Variants in CSTPP1 observed in about 807,000 individuals in gnomAD.
CSTPP1 encodes UPF0705 protein C11orf49.
chr11:46,979,782 G>A, the CSTPP1 span, among the ~76,000 whole-genome samples: 9 of 152,088 alleles, frequency 5.9e-5, no homozygotes, highest in Non-Finnish European at 1.2e-4. Context: ...GCATGGTGGC[G>A]GGCGCCTGTA....
At chr11:46,964,811 G>A in the CSTPP1 span, among the ~76,000 whole-genome samples, 1 of 152,174 alleles carries the variant, frequency 6.6e-6, no homozygotes, top group Non-Finnish European at 1.5e-5. Flanking sequence ...GAGACTACGA[G>A]TATTGCCAGG....
the CSTPP1 span, among the ~76,000 whole-genome samples, chr11:47,131,968 C>T: frequency 1.3e-5 from 2 of 150,490 alleles, no homozygotes; most frequent in Non-Finnish European, 2.9e-5. Flanking sequence ...CAGAGTGAGA[C>T]TCTGTTAAAA....
chr11:47,085,129 G>T, the CSTPP1 span, among the ~76,000 whole-genome samples: 1 of 152,000 alleles, frequency 6.6e-6, no homozygotes, highest in Non-Finnish European at 1.5e-5. Context: ...GCTTGAACCC[G>T]AGAGGCAGAG....
At chr11:47,029,860 G>A in the CSTPP1 span, among the ~76,000 whole-genome samples, 1 of 150,996 alleles carries the variant, frequency 6.6e-6, no homozygotes, top group Non-Finnish European at 1.5e-5. Context: ...CACTTTGGGA[G>A]GCCAAAACAG....
At chr11:46,985,878 G>A in the CSTPP1 span, among the ~76,000 whole-genome samples, 12 of 152,138 alleles carry the variant, frequency 7.9e-5, no homozygotes, top group Admixed American at 1.3e-4. Context: ...ACTAGGAAGT[G>A]GCAGAGCTGA....
At chr11:47,077,555 C>G in the CSTPP1 span, among the ~76,000 whole-genome samples, 3 of 152,084 alleles carry the variant, frequency 2.0e-5, no homozygotes, top group African/African-American at 7.2e-5. Context: ...TTTATGCAGC[C>G]TTTCTCATGA....
chr11:46,988,475 T>C, the CSTPP1 span, among the ~76,000 whole-genome samples: 1 of 152,036 alleles, frequency 6.6e-6, no homozygotes, highest in Non-Finnish European at 1.5e-5. Context: ...AAGACAAACA[T>C]TGGATGTTCT....
the CSTPP1 span, among the ~76,000 whole-genome samples, chr11:47,083,302 AAAT>A: frequency 1.3e-5 from 2 of 152,176 alleles, no homozygotes; most frequent in Admixed American, 1.3e-4. Flanking sequence ...TTTTGTGGCC[AAAT>A]AATATTCCAT....
chr11:47,079,819 C>T, the CSTPP1 span, among the ~76,000 whole-genome samples: 16 of 152,070 alleles, frequency 1.1e-4, no homozygotes, highest in Non-Finnish European at 1.8e-4. Flanking sequence ...TACGGCCGGG[C>T]GCGGTGGCTC....
the CSTPP1 span, among the ~76,000 whole-genome samples, chr11:46,993,019 G>A: frequency 2.6e-4 from 39 of 152,310 alleles, no homozygotes; most frequent in East Asian, 6.8e-3. Flanking sequence ...GTGTCTGTTG[G>A]CTGCATAAAT....
At chr11:47,083,912 ATTTGTC>A in the CSTPP1 span, among the ~76,000 whole-genome samples, 13 of 152,300 alleles carry the variant, frequency 8.5e-5, no homozygotes, top group Non-Finnish European at 1.0e-4. Context: ...TTCTAGGAAC[ATTTGTC>A]TCCAGGTCTT....
At chr11:47,148,113 G>A in the CSTPP1 span, among the ~76,000 whole-genome samples, 1 of 152,170 alleles carries the variant, frequency 6.6e-6, no homozygotes, top group Non-Finnish European at 1.5e-5. Flanking sequence ...GTCCAGAAGA[G>A]GAGCAACCCT....
chr11:47,008,155 C>T, the CSTPP1 span, among the ~76,000 whole-genome samples: 4 of 151,948 alleles, frequency 2.6e-5, no homozygotes, highest in South Asian at 2.1e-4. Context: ...TTAGTAGAGA[C>T]GGGGTTTCAC....
the CSTPP1 span, among the ~76,000 whole-genome samples, chr11:47,098,343 TA>T: frequency 1.5e-4 from 22 of 148,834 alleles, no homozygotes; most frequent in African/African-American, 3.2e-4. Flanking sequence ...AAATAAAAAA[TA>T]AAAAAAAATA....
the CSTPP1 span, among the ~76,000 whole-genome samples, chr11:47,013,023 T>C: frequency 1.4e-5 from 2 of 147,152 alleles, no homozygotes; most frequent in African/African-American, 4.9e-5. Flanking sequence ...ATATAAATAA[T>C]AACTATATAT....
the CSTPP1 span, among the ~76,000 whole-genome samples, chr11:46,998,938 C>T: frequency 6.6e-6 from 1 of 151,976 alleles, no homozygotes; most frequent in Non-Finnish European, 1.5e-5. Flanking sequence ...GAGGGGGCTT[C>T]ACCGTGTTAG....
At chr11:47,145,269 G>A in the CSTPP1 span, among the ~76,000 whole-genome samples, 2 of 151,892 alleles carry the variant, frequency 1.3e-5, no homozygotes, top group African/African-American at 2.4e-5. Flanking sequence ...TACAGGCGTG[G>A]GCCACCGCAC....
At chr11:46,994,573 T>C in the CSTPP1 span, among the ~76,000 whole-genome samples, 1 of 152,230 alleles carries the variant, frequency 6.6e-6, no homozygotes, top group African/African-American at 2.4e-5. Flanking sequence ...TATGATGGAT[T>C]ACATTTATTG....
the CSTPP1 span, among the ~76,000 whole-genome samples, chr11:46,962,800 A>G: frequency 1.3e-5 from 2 of 152,058 alleles, no homozygotes; most frequent in Admixed American, 1.3e-4. Context: ...TAAAAATACA[A>G]AAAATTACCT....
Sources: allele counts gnomAD v4.1 joint callset (sites outside exome capture counted in the v4.1 genomes callset), GRCh38; gene constraint gnomAD v4.1.1; transcripts MANE v1.5; gene names NCBI Gene and HGNC (gene_info 2026-07-23, HGNC 2026-07-21).